Variants in CSNK1E observed in about 807,000 individuals in gnomAD.
CSNK1E encodes the protein casein kinase 1 epsilon.
In CSNK1E, 17 loss-of-function variants were observed where a neutral mutation model predicts 46.1. The observed-to-expected ratio is 0.37, with a 90% CI of 0.25 to 0.55. The LOEUF is 0.55. Ranked by LOEUF, CSNK1E falls within the 20% of genes least tolerant of loss-of-function variation. CSNK1E has a pLI of 0.82. For missense variants in CSNK1E, 386 were observed against 595.4 expected (o/e 0.65, Z 3.66); for synonymous variants, 241 against 242.6 (o/e 0.99, Z 0.06).
Position 38,295,432 on chromosome 22 carries a change from A to G in CSNK1E, c.886-898T>C. 7 of 981,288 alleles carry G rather than the reference A, an allele frequency of 7.1e-6. No homozygotes were observed. The South Asian group carries it at 3.3e-4, about 46-fold the overall frequency. The allele number at this position is 981,288 out of a possible 1,614,324, so 60.8% of individuals were successfully genotyped here. ...CCACAGGGAAGGGCAGGGGGCTGGC[A>G]GGAAGGGGGCCGCATCTGTGGAGGA... On this transcript the variant is annotated intron_variant, in intron 7 of 10. Coordinates refer to ENST00000396832, the MANE Select transcript of CSNK1E (RefSeq NM_152221.3).
In CSNK1E at chr22:38,317,405, CCGCCCCCGCCGCCGGCTCGCG is replaced by C. The variant is rs2092754145; in HGVS notation, c.-279_-259del. The C allele has an allele frequency of 7.6e-6, 1 of 131,418 alleles. No individual in the cohort carries two copies. The highest frequency in any genetic ancestry group is 1.7e-5 in the Non-Finnish European group (1 of 59,504). The allele number at this position is 131,418 out of a possible 1,614,324, so 8.1% of individuals were successfully genotyped here. A position where few individuals can be genotyped will look rare whatever the true frequency, so the allele number is the denominator to read the frequency against. ...TCCTCCCGGCCTCCTGCCCGCCCGC[CCGCCCCCGCCGCCGGCTCGCG>C]CGCTCTCGCACCGCGCGCGCCCGCC... On this transcript the variant is annotated 5_prime_UTR_variant, in exon 1 of 11. Transcript: ENST00000396832.
chr22:38,314,191 G>T (rs1166762575), intron 1 of CSNK1E, 22 bp from the exon 2 acceptor site: 1 of 1,602,582 alleles, frequency 6.2e-7, no homozygotes, highest in Non-Finnish European at 8.5e-7. Context: ...GCAGGAACAT[G>T]AGGGTCAGCG....
In CSNK1E at chr22:38,298,655, T is replaced by C; in HGVS notation, c.885+131A>G. The C allele has an allele frequency of 9.4e-7, 1 of 1,063,304 alleles. No individual in the cohort carries two copies. Among genetic ancestry groups the C allele is most frequent in the Non-Finnish European group, 1.4e-6 (1 of 721,776 alleles). 65.9% of individuals were successfully genotyped at this position (1,063,304 alleles called of 1,614,324 possible). A position where few individuals can be genotyped will look rare whatever the true frequency, so the allele number is the denominator to read the frequency against. On this transcript the variant is annotated intron_variant, in intron 7 of 10. Transcript: ENST00000396832. This position sits in a 1 kb window ranked among gnomAD's most constrained non-coding sequence, Gnocchi z 4.2. The stretch of plus-strand genomic sequence containing the variant: ...GGAGGGCTCTGGGACCCCAGTGAGG[T>C]CAACCACACTGTCCAGCTCGTACCT...
chr22:38,311,995 C>T (rs142123917), intron 2 of CSNK1E, among the ~76,000 whole-genome samples: 1 of 152,160 alleles, frequency 6.6e-6, no homozygotes, highest in Non-Finnish European at 1.5e-5. Flanking sequence ...GTAGAGACAG[C>T]GTTTCACCAT....
intron 6 of CSNK1E, among the ~76,000 whole-genome samples, chr22:38,299,145 C>A (rs547536248): frequency 2.0e-4 from 31 of 152,322 alleles, no homozygotes; most frequent in Non-Finnish European, 2.8e-4. Flanking sequence ...GCTTTCAGAG[C>A]AAGGGAAGAC....
At position 38,294,988 on chromosome 22, in the gene CSNK1E, G is replaced by C. The variant is rs954339667; in HGVS notation, c.886-454C>G. On this transcript the variant is annotated intron_variant, in intron 7 of 10. Transcript: ENST00000396832. This position sits in a 1 kb window ranked among gnomAD's most constrained non-coding sequence, Gnocchi z 5.5. ...GCTAGGGGTGTCCAGAGGGGGAAAA[G>C]AACAGGCCCAGAGTCACAAAACTAG... 1.3e-5 allele frequency among the ~76,000 whole-genome samples: 2 copies of C among 152,212 alleles called. No homozygotes were observed. Among genetic ancestry groups the C allele is most frequent in the Admixed American group, 1.3e-4 (2 of 15,282 alleles).
rs1190348527 is a variant in CSNK1E, at chr22:38,294,037, G to A, written c.1218+72C>T. 10 of 1,532,742 alleles carry A rather than the reference G, an allele frequency of 6.5e-6. No homozygotes were observed. Among genetic ancestry groups the A allele is most frequent in the Admixed American group, 1.8e-5 (1 of 54,964 alleles). The allele number at this position is 1,532,742 out of a possible 1,614,324, so 94.9% of individuals were successfully genotyped here. ...GATGGAAAGGGAAGAACAGAGCCAC[G>A]GCCTGACCTCCCACTGGGGGGTCTC... On this transcript the variant is annotated intron_variant, in intron 9 of 10. Transcript: ENST00000396832. The surrounding 1 kb of genome is among the most constrained non-coding windows in gnomAD (Gnocchi z 5.5).
chr22:38,293,912 G>C (rs2092625261), intron 9 of CSNK1E, 197 bp downstream of exon 9: 2 of 641,234 alleles, frequency 3.1e-6, no homozygotes, highest in Non-Finnish European at 5.3e-6. Context: ...CTGAGCCTTG[G>C]TGAATGACTT....
chr22:38,295,389 A>T (rs186265844), intron 7 of CSNK1E: 1 of 984,244 alleles, frequency 1.0e-6, no homozygotes, highest in African/African-American at 1.7e-5. Flanking sequence ...TGCGTTACCT[A>T]GTTCATCCTG....
rs1210391919 is a variant in CSNK1E, at chr22:38,294,017, A to C, written c.1218+92T>G. 3 of 1,446,044 alleles carry C rather than the reference A, an allele frequency of 2.1e-6. No individual in the cohort carries two copies. In the African/African-American group the frequency reaches 4.2e-5, roughly 20 times the overall value. 89.6% of individuals were successfully genotyped at this position (1,446,044 alleles called of 1,614,324 possible). Reference sequence around the variant, plus strand: ...ACTCCAAGGCAAGCAGCGTCGATGGAAAGGGAAGAACAGAGCCACGGCCTG... The same window carrying C: ...ACTCCAAGGCAAGCAGCGTCGATGGCAAGGGAAGAACAGAGCCACGGCCTG... On this transcript the variant is annotated intron_variant, in intron 9 of 10. Transcript: ENST00000396832. This position sits in a 1 kb window ranked among gnomAD's most constrained non-coding sequence, Gnocchi z 5.5.
At chr22:38,317,117 A>C (rs1463409156) in intron 1 of CSNK1E, 43 bp downstream of exon 1, 4 of 142,028 alleles carry the variant, frequency 2.8e-5, no homozygotes, top group East Asian at 2.4e-4. Flanking sequence ...GATTCCCCCC[A>C]GGTTTGCACC....
chr22:38,316,253 G>A (rs911028977), intron 1 of CSNK1E, among the ~76,000 whole-genome samples: 1 of 152,178 alleles, frequency 6.6e-6, no homozygotes, highest in Non-Finnish European at 1.5e-5. Context: ...CCCTGAGCCG[G>A]GGCCCTTGTC....
At position 38,291,894 on chromosome 22, in the gene CSNK1E, CTT is replaced by C. The variant is rs10560249; in HGVS notation, c.*75_*76del. ...GTTCTTTTGAGTGGTTTATTTTTGC[CTT>C]TTTTTTTTTTTTTTTTTTTTTAAAG... On this transcript the variant is annotated 3_prime_UTR_variant, in exon 11 of 11. Coordinates refer to ENST00000396832, the MANE Select transcript of CSNK1E (RefSeq NM_152221.3). 0.25 allele frequency: 25,123 copies of C among 99,212 alleles called. 3,519 individuals are homozygous for C. Among genetic ancestry groups the C allele is most frequent in the African/African-American group, 0.45 (10,546 of 23,400 alleles). The allele number at this position is 99,212 out of a possible 1,614,324, so 6.1% of individuals were successfully genotyped here.
rs1018853872 is a variant in CSNK1E at position 38,290,752 on chromosome 22, C to A, written c.*1219G>T. ...CAACCACGATAAAGCTCAAAAAAGT[C>A]CAATATTTACACAGGAAAAAAGTAC... On this transcript the variant is annotated 3_prime_UTR_variant, in exon 11 of 11. Coordinates refer to ENST00000396832, the MANE Select transcript of CSNK1E (RefSeq NM_152221.3). The A allele has an allele frequency of 2.0e-5, 3 of 151,830 alleles. No individual in the cohort carries two copies. Among genetic ancestry groups the A allele is most frequent in the Non-Finnish European group, 1.5e-5 (1 of 67,948 alleles). 9.4% of individuals were successfully genotyped at this position (151,830 alleles called of 1,614,324 possible).
At chr22:38,318,019 C>T (rs1289879410), upstream of CSNK1E, 5 of 152,216 alleles carry the variant, frequency 3.3e-5, no homozygotes, top group Non-Finnish European at 5.9e-5. Context: ...AGGGCAAAGA[C>T]CTCTTCTTCT....
chr22:38,314,228 G>A, intron 1 of CSNK1E, 59 bp from the exon 2 acceptor site: 1 of 1,366,836 alleles, frequency 7.3e-7, no homozygotes, highest in Non-Finnish European at 1.0e-6. Flanking sequence ...AAGGGGTCCA[G>A]TCCACCAAGG....
intron 4 of CSNK1E, among the ~76,000 whole-genome samples, chr22:38,302,418 CA>C (rs1214484409): frequency 6.6e-6 from 1 of 152,130 alleles, no homozygotes; most frequent in Non-Finnish European, 1.5e-5. Context: ...CCTGACTCGG[CA>C]GGTCTGGAGT....
At position 38,294,115 on chromosome 22, in the gene CSNK1E, G is replaced by A; in HGVS notation, c.1212C>T (p.Ala404=). The change falls in exon 9 of 11, where the codon GCC becomes GCT. Residue 404 remains alanine, a synonymous_variant. Transcript: ENST00000396832. This position sits in a 1 kb window ranked among gnomAD's most constrained non-coding sequence, Gnocchi z 5.5. The stretch of plus-strand genomic sequence containing the variant: ...TGGCAGGGGGGCAGCTCACCTGTGA[G>A]GCTGGGATCCGGGAGACCTCTTGCC... ...TGRQEVSRIP[A]SQTSVPFDHL... The A allele has an allele frequency of 6.2e-7, 1 of 1,609,606 alleles. No individual in the cohort carries two copies. Among genetic ancestry groups the A allele is most frequent in the Non-Finnish European group, 8.5e-7 (1 of 1,179,474 alleles).
rs2092632308 is a variant in CSNK1E at position 38,294,978 on chromosome 22, A to C, written c.886-444T>G. On this transcript the variant is annotated intron_variant, in intron 7 of 10. Coordinates refer to ENST00000396832, the MANE Select transcript of CSNK1E (RefSeq NM_152221.3). This position sits in a 1 kb window ranked among gnomAD's most constrained non-coding sequence, Gnocchi z 5.5. ...TAGCAGACTGGCTAGGGGTGTCCAG[A>C]GGGGGAAAAGAACAGGCCCAGAGTC... Among the ~76,000 whole-genome samples, 1 of 152,164 alleles carries C rather than the reference A, an allele frequency of 6.6e-6. No homozygotes were observed. The highest frequency in any genetic ancestry group is 1.5e-5 in the Non-Finnish European group (1 of 68,000).
Sources: gnomAD v4.1 joint callset for allele counts (sites outside exome capture counted in the v4.1 genomes callset) on GRCh38, gnomAD v4.1.1 for gene constraint, Gnocchi (gnomAD v3.1) non-coding constraint, MANE v1.5 for transcripts, NCBI Gene and HGNC (gene_info 2026-07-23, HGNC 2026-07-21) for gene names.